The following VCPKMT variants were observed in gnomAD, a reference collection of about 807,000 sequenced individuals.
VCPKMT encodes valosin containing protein lysine methyltransferase.
VCPKMT carries 32 observed loss-of-function variants against 28.6 expected under a neutral mutation model. The ratio of observed to expected loss-of-function variants is 1.12; its 90% CI spans 0.84 to 1.50. The LOEUF is 1.50. VCPKMT is among the 40% of genes most tolerant of loss of function. The pLI, the probability that VCPKMT is intolerant of heterozygous loss-of-function variation, is 0.00. For missense variants in VCPKMT, 366 were observed against 285.0 expected, an observed-to-expected ratio of 1.28 and a Z score of -2.05; for synonymous variants, 138 against 111.4, an observed-to-expected ratio of 1.24 and a Z score of -1.50.
chr14:50,108,191 C>CAAA (rs11455635), downstream of VCPKMT, among the ~76,000 whole-genome samples: 16,707 of 106,814 alleles, frequency 0.16, 1,617 homozygotes, highest in East Asian at 0.44. Flanking sequence ...AACCCTGTCT[C>CAAA]AAAAAAAAAA....
intron 3 of VCPKMT, 41 bp from the exon 4 acceptor site, chr14:50,114,445 A>T (rs1882957647): frequency 3.6e-6 from 5 of 1,371,094 alleles, no homozygotes; most frequent in East Asian, 2.7e-5. Context: ...TGATTTAAAA[A>T]TTTTTCTACT....
chr14:50,113,730 C>T (rs1038070947), intron 4 of VCPKMT, among the ~76,000 whole-genome samples: 1 of 137,264 alleles, frequency 7.3e-6, no homozygotes, highest in African/African-American at 2.8e-5. Context: ...CCCATCTCTA[C>T]AAAAAAATAC....
chr14:50,106,588 CTCTAAT>C (rs893165590), downstream of VCPKMT: 57 of 985,446 alleles, frequency 5.8e-5, 1 homozygote, highest in South Asian at 1.0e-3. Flanking sequence ...CACATCACTC[CTCTAAT>C]TCTGTCTCCA....
chr14:50,109,275 A>C lies in VCPKMT; in HGVS notation c.*424T>G, dbSNP rs1489334248. The C allele has an allele frequency of 1.0e-6, 1 of 980,700 alleles. No homozygotes were observed. Among genetic ancestry groups the C allele is most frequent in the Non-Finnish European group, 1.2e-6 (1 of 824,680 alleles). The allele number at this position is 980,700 out of a possible 1,614,324, so 60.7% of individuals were successfully genotyped here. A position where few individuals can be genotyped will look rare whatever the true frequency, so the allele number is the denominator to read the frequency against. Reference sequence around the variant, plus strand: ...GAAAACCTTTTAAACTCTGAAGACAAACTAAAATTTACTAGTTTGAATTTA... The same window carrying C: ...GAAAACCTTTTAAACTCTGAAGACACACTAAAATTTACTAGTTTGAATTTA... On this transcript the variant is annotated 3_prime_UTR_variant, in exon 6 of 6. Coordinates refer to ENST00000395860, the MANE Select transcript of VCPKMT (RefSeq NM_024558.3).
rs775083541 is a variant in VCPKMT at position 50,109,696 on chromosome 14, G to A, written c.*3C>T. 1 of 1,602,010 alleles carries A rather than the reference G, an allele frequency of 6.2e-7. No individual in the cohort carries two copies. The highest frequency in any genetic ancestry group is 8.5e-7 in the Non-Finnish European group (1 of 1,174,620). On this transcript the variant is annotated 3_prime_UTR_variant, in exon 6 of 6. Transcript: ENST00000395860. ...AGAGCCTTGGGTAAGATGATTAAAG[G>A]CTTCACGATGGAAATTTCTATAACA...
chr14:50,111,243 T>C, intron 5 of VCPKMT: 3 of 985,078 alleles, frequency 3.0e-6, no homozygotes, highest in Non-Finnish European at 2.4e-6. Flanking sequence ...TCCAAAAAAT[T>C]CTACTTTTAA....
chr14:50,112,393 G>GATAAAAAAAAA (rs1491164359), intron 5 of VCPKMT, among the ~76,000 whole-genome samples: 1 of 56,416 alleles, frequency 1.8e-5, no homozygotes. Context: ...TAAAAAATAC[G>GATAAAAAAAAA]AGAAAAAAAA....
downstream of VCPKMT, among the ~76,000 whole-genome samples, chr14:50,105,528 G>C (rs1034631129): frequency 6.6e-6 from 1 of 152,220 alleles, no homozygotes; most frequent in Non-Finnish European, 1.5e-5. Flanking sequence ...CTATTTCAGA[G>C]GCTGAGGCAG....
chr14:50,115,755 A>G, intron 3 of VCPKMT, 84 bp downstream of exon 3: 1 of 1,478,864 alleles, frequency 6.8e-7, no homozygotes. Flanking sequence ...CAAAGATGTT[A>G]AAATGTGAAG....
At position 50,115,965 on chromosome 14, in the gene VCPKMT, G is replaced by C. The variant is rs1342299568; in HGVS notation, c.378-54C>G. 5 of 1,600,328 alleles carry C rather than the reference G, an allele frequency of 3.1e-6. No homozygotes were observed. In the African/African-American group the frequency reaches 5.4e-5, roughly 17 times the overall value. On this transcript the variant is annotated intron_variant, in intron 2 of 5. Coordinates refer to ENST00000395860, the MANE Select transcript of VCPKMT (RefSeq NM_024558.3). ...TGTTTTAATAATTCAAAATACTCTT[G>C]TTTTATAAAGAACCGGAAAGTCCCC... is the stretch of plus-strand genomic sequence containing the variant.
At chr14:50,111,574 G>A (rs1882665096) in intron 5 of VCPKMT, 2 of 985,186 alleles carry the variant, frequency 2.0e-6, no homozygotes, top group African/African-American at 3.5e-5. Context: ...CAAAGGTGCT[G>A]GAAATACAAA....
At chr14:50,106,042 ACTTT>A (rs143006749), downstream of VCPKMT, among the ~76,000 whole-genome samples, 4,373 of 152,198 alleles carry the variant, frequency 0.029, 90 homozygotes, top group Non-Finnish European at 0.047. Flanking sequence ...CTTTTTATAT[ACTTT>A]CTTCTTTCTT....
chr14:50,104,684 T>G (rs1882262961), downstream of VCPKMT, among the ~76,000 whole-genome samples: 1 of 143,352 alleles, frequency 7.0e-6, no homozygotes. Context: ...AACTACCACT[T>G]ACTCTATTGA....
Position 50,108,795 on chromosome 14 carries a change from A to C in VCPKMT, c.*904T>G, listed in dbSNP as rs969101527. Reference sequence around the variant, plus strand: ...AGCGAATGGCTTCATAACATAAAACAGAGAGACACAGAACAGAAATTCATT... The same window carrying C: ...AGCGAATGGCTTCATAACATAAAACCGAGAGACACAGAACAGAAATTCATT... On this transcript the variant is annotated 3_prime_UTR_variant, in exon 6 of 6. Coordinates refer to ENST00000395860, the MANE Select transcript of VCPKMT (RefSeq NM_024558.3). The C allele has an allele frequency of 3.0e-6, 3 of 985,500 alleles. No individual in the cohort carries two copies. The Admixed American group carries it at 1.8e-4, about 61-fold the overall frequency. The allele number at this position is 985,500 out of a possible 1,614,324, so 61.0% of individuals were successfully genotyped here.
At chr14:50,115,145 G>GTTTTTTT (rs745531021) in intron 3 of VCPKMT, among the ~76,000 whole-genome samples, 4 of 90,372 alleles carry the variant, frequency 4.4e-5, no homozygotes, top group African/African-American at 1.4e-4. Flanking sequence ...ACAAACTGAT[G>GTTTTTTT]TTTTTTTTTT....
At chr14:50,115,697 A>G (rs1883110112) in intron 3 of VCPKMT, 142 bp downstream of exon 3, 2 of 861,582 alleles carry the variant, frequency 2.3e-6, no homozygotes, top group Non-Finnish European at 3.6e-6. Context: ...GTCCCTGGTG[A>G]CTTTTATCTT....
At chr14:50,110,314 A>G (rs1249863574) in intron 5 of VCPKMT, among the ~76,000 whole-genome samples, 2 of 152,128 alleles carry the variant, frequency 1.3e-5, no homozygotes, top group African/African-American at 2.4e-5. Flanking sequence ...TGAAAAGACA[A>G]CCCACAGAAT....
At chr14:50,112,096 T>C (rs1882701774) in intron 5 of VCPKMT, 1 of 981,794 alleles carries the variant, frequency 1.0e-6, no homozygotes, top group South Asian at 4.7e-5. Context: ...CTGTAAACAA[T>C]TTTTAATAAG....
downstream of VCPKMT, among the ~76,000 whole-genome samples, chr14:50,105,394 G>A (rs1308414848): frequency 6.6e-6 from 1 of 152,192 alleles, no homozygotes; most frequent in African/African-American, 2.4e-5. Context: ...ACTTTGGGAG[G>A]CTGAGGAGGG....
Sources: gnomAD v4.1 joint callset for allele counts (sites outside exome capture counted in the v4.1 genomes callset) on GRCh38, gnomAD v4.1.1 for gene constraint, MANE v1.5 for transcripts, NCBI Gene and HGNC (gene_info 2026-07-23, HGNC 2026-07-21) for gene names.